MECOM: variants seen among roughly 807,000 people sequenced by gnomAD.
MECOM encodes the protein histone-lysine N-methyltransferase MECOM.
MECOM carries 13 observed loss-of-function variants against 116.3 expected under a neutral mutation model. The ratio of observed to expected loss-of-function variants is 0.11; its 90% CI spans 0.07 to 0.18. The LOEUF (loss-of-function observed/expected upper bound fraction) is 0.18. MECOM is among the 10% of genes least tolerant of loss of function. The probability of loss-of-function intolerance (pLI) is 1.00; values close to 1 mark genes in which losing one functional copy is unlikely to be tolerated. For synonymous variants in MECOM, 528 were observed against 535.2 expected, an observed-to-expected ratio of 0.99 and a Z score of 0.19; for missense variants, 1,299 against 1,509.0, an observed-to-expected ratio of 0.86 and a Z score of 2.31.
At position 169,131,425 on chromosome 3, in the gene MECOM, T is replaced by A. The variant is rs1329734058; in HGVS notation, c.613+4A>T. ...ATAAGGAGGGTGGCGTGAGTGGTAC[T>A]AACCGTGGATATCCGGCGCCATAGT... On this transcript the variant is annotated splice_donor_region_variant and intron_variant, in intron 4 of 16. Coordinates refer to ENST00000651503, the MANE Select transcript of MECOM (RefSeq NM_004991.4). 6.2e-7 allele frequency: 1 copy of A among 1,612,938 alleles called. No homozygotes were observed. Among genetic ancestry groups the A allele is most frequent in the South Asian group, 1.1e-5 (1 of 91,050 alleles).
intron 2 of MECOM, among the ~76,000 whole-genome samples, chr3:169,310,364 C>T (rs1718524339): frequency 6.6e-6 from 1 of 152,184 alleles, no homozygotes; most frequent in Non-Finnish European, 1.5e-5. Context: ...CTTATGAAAT[C>T]GCTGATACTC....
chr3:169,371,925 A>T (rs903039015), intron 2 of MECOM, among the ~76,000 whole-genome samples: 9 of 152,056 alleles, frequency 5.9e-5, no homozygotes, highest in African/African-American at 2.2e-4. Context: ...CTAAAATCAA[A>T]CTTAAAAGTG....
At chr3:169,394,545 G>C (rs1258890912) in intron 1 of MECOM, among the ~76,000 whole-genome samples, 1 of 152,144 alleles carries the variant, frequency 6.6e-6, no homozygotes, top group African/African-American at 2.4e-5. Context: ...GCCTTGGAGA[G>C]GTAATGACTT....
chr3:169,408,365 A>G (rs966450999), intron 1 of MECOM, among the ~76,000 whole-genome samples: 5 of 152,340 alleles, frequency 3.3e-5, no homozygotes, highest in South Asian at 4.1e-4. Context: ...TAATCAATCG[A>G]CATGCGAGGT....
intron 1 of MECOM, among the ~76,000 whole-genome samples, chr3:169,473,718 G>A (rs773880437): frequency 6.6e-6 from 1 of 152,044 alleles, no homozygotes; most frequent in African/African-American, 2.4e-5. Context: ...GTAGTGAGCC[G>A]AGATTGCTCC....
intron 2 of MECOM, among the ~76,000 whole-genome samples, chr3:169,161,995 C>T (rs1742921150): frequency 6.6e-6 from 1 of 152,194 alleles, no homozygotes; most frequent in South Asian, 2.1e-4. Context: ...GCCCAGCTAG[C>T]TGAGCCACCC....
At chr3:169,283,335 T>C (rs1712545647) in intron 2 of MECOM, among the ~76,000 whole-genome samples, 2 of 151,934 alleles carry the variant, frequency 1.3e-5, no homozygotes, top group Admixed American at 6.6e-5. Context: ...AGACCTCATC[T>C]CTGCAAAAAA....
At chr3:169,087,986 T>C (rs1718385877) in intron 16 of MECOM, among the ~76,000 whole-genome samples, 1 of 152,230 alleles carries the variant, frequency 6.6e-6, no homozygotes, top group South Asian at 2.1e-4. Context: ...TTTTACTAAA[T>C]TGAATATTAT....
intron 2 of MECOM, among the ~76,000 whole-genome samples, chr3:169,282,348 T>C (rs1712245548): frequency 6.6e-6 from 1 of 152,134 alleles, no homozygotes; most frequent in African/African-American, 2.4e-5. Flanking sequence ...ATTTGAGGGA[T>C]ATCGAGTTGC....
chr3:169,319,430 G>C (rs955947108), intron 2 of MECOM, among the ~76,000 whole-genome samples: 3 of 152,090 alleles, frequency 2.0e-5, no homozygotes, highest in South Asian at 2.1e-4. Context: ...GTCAGGGGGT[G>C]GGGGGTAGGG....
rs528282830 is a variant in MECOM at position 169,526,207 on chromosome 3, G to C, written c.37+137129C>G. On this transcript the variant is annotated intron_variant, in intron 1 of 16. Transcript: ENST00000651503. ...CAATGTTGAATTGAAAAACCTCAAC[G>C]TTGGGCCGTCGGAGAGCCTTTTTCC... Among the ~76,000 whole-genome samples, 162 of 152,064 alleles carry C rather than the reference G, an allele frequency of 1.1e-3. 2 individuals carry two copies. Among genetic ancestry groups the C allele is most frequent in the African/African-American group, 3.7e-3 (155 of 41,476 alleles).
rs557271284 is a variant in MECOM at position 169,131,602 on chromosome 3, A to T, written c.511-71T>A. ...TGTATATATATTAACAAAGGGCAAG[A>T]TATACACTAAGATACCTGTACAAAC... On this transcript the variant is annotated intron_variant, in intron 3 of 16. Transcript: ENST00000651503. 6.1e-5 allele frequency: 72 copies of T among 1,175,160 alleles called. No individual in the cohort carries two copies. The African/African-American group carries it at 9.6e-4, about 16-fold the overall frequency. The allele number at this position is 1,175,160 out of a possible 1,614,324, so 72.8% of individuals were successfully genotyped here.
chr3:169,459,959 G>T (rs555914786), intron 1 of MECOM, among the ~76,000 whole-genome samples: 2 of 152,250 alleles, frequency 1.3e-5, no homozygotes, highest in African/African-American at 4.8e-5. Flanking sequence ...TCTTTAGGCT[G>T]CTGTAATCCT....
At chr3:169,477,812 T>C (rs1750718135) in intron 1 of MECOM, among the ~76,000 whole-genome samples, 1 of 152,200 alleles carries the variant, frequency 6.6e-6, no homozygotes, top group Admixed American at 6.5e-5. Context: ...ACAAAAGTGA[T>C]ACACGGCTTC....
intron 1 of MECOM, among the ~76,000 whole-genome samples, chr3:169,515,085 T>C (rs1164102419): frequency 6.6e-6 from 1 of 152,056 alleles, no homozygotes; most frequent in Admixed American, 6.5e-5. Context: ...AGAATGACAG[T>C]AGGGAGCTCC....
intron 2 of MECOM, among the ~76,000 whole-genome samples, chr3:169,156,830 A>G (rs1742070942): frequency 6.6e-6 from 1 of 152,226 alleles, no homozygotes; most frequent in Non-Finnish European, 1.5e-5. Context: ...GGAGAAAGAA[A>G]AGCAGCAGTG....
At chr3:169,111,509 A>G (rs939008402) in intron 9 of MECOM, among the ~76,000 whole-genome samples, 1 of 152,172 alleles carries the variant, frequency 6.6e-6, no homozygotes, top group Non-Finnish European at 1.5e-5. Flanking sequence ...TACTATTTAG[A>G]TCAGTCTAAA....
At chr3:169,308,661 C>T (rs1404836634) in intron 2 of MECOM, among the ~76,000 whole-genome samples, 4 of 152,138 alleles carry the variant, frequency 2.6e-5, no homozygotes, top group African/African-American at 7.2e-5. Flanking sequence ...CATTCTCTTG[C>T]ACATGCTATT....
intron 2 of MECOM, among the ~76,000 whole-genome samples, chr3:169,374,997 A>G (rs1365887601): frequency 6.6e-6 from 1 of 152,042 alleles, no homozygotes; most frequent in South Asian, 2.1e-4. Flanking sequence ...AAACTACTCC[A>G]GCCTGGGTGA....
Sources: gnomAD v4.1 joint callset for allele counts (sites outside exome capture counted in the v4.1 genomes callset) on GRCh38, gnomAD v4.1.1 for gene constraint, MANE v1.5 for transcripts, NCBI Gene and HGNC (gene_info 2026-07-23, HGNC 2026-07-21) for gene names.